MMAB: variants seen among roughly 807,000 people sequenced by gnomAD.
The protein encoded by MMAB is corrinoid adenosyltransferase MMAB.
Under a neutral mutation model 30.6 loss-of-function variants are expected in MMAB, and 17 were observed. The observed-to-expected ratio is 0.56, with a 90% CI of 0.38 to 0.83. The LOEUF (loss-of-function observed/expected upper bound fraction) is 0.83, where lower values mean the gene tolerates loss of function less well. Among genes scored for constraint, MMAB ranks in the 40% least tolerant of loss-of-function variants. The probability of loss-of-function intolerance (pLI) is 0.00; values close to 1 mark genes in which losing one functional copy is unlikely to be tolerated. For synonymous variants in MMAB, 134 were observed against 138.6 expected (o/e 0.97, Z 0.23); for missense variants, 311 against 331.6 (o/e 0.94, Z 0.48).
rs1424496673 is a variant in MMAB, at chr12:109,554,778, G to T, written c.*2250C>A. The T allele has an allele frequency of 4.4e-6, 2 of 454,026 alleles. No individual in the cohort carries two copies. Among genetic ancestry groups the T allele is most frequent in the African/African-American group, 4.0e-5 (2 of 50,006 alleles). 28.1% of individuals were successfully genotyped at this position (454,026 alleles called of 1,614,324 possible). On this transcript the variant is annotated 3_prime_UTR_variant, in exon 9 of 9. Coordinates refer to ENST00000545712, the MANE Select transcript of MMAB (RefSeq NM_052845.4). ...GGGCTCTTGATAGAGCTTTTGAAAG[G>T]CACTGCAGAAGAGCAAATGTTTTAA... is the stretch of plus-strand genomic sequence containing the variant.
At chr12:109,571,753 T>A (rs970703105) in intron 1 of MMAB, 43 bp from the exon 2 acceptor site, 4 of 1,565,990 alleles carry the variant, frequency 2.6e-6, no homozygotes, top group Non-Finnish European at 2.6e-6. Flanking sequence ...TGGGGATGGC[T>A]TACACAGAGG....
intron 3 of MMAB, chr12:109,567,128 C>T: frequency 2.2e-6 from 1 of 447,678 alleles, no homozygotes; most frequent in South Asian, 1.6e-5. Flanking sequence ...CGAGATCACA[C>T]CATTGCACTC....
At position 109,565,109 on chromosome 12, in the gene MMAB, T is replaced by C. The variant is rs1884370959; in HGVS notation, c.348+10A>G. ...AAGATTCCCAGCTTGGGTGAGATGG[T>C]GTTACTCACTTTCTGAAGCTCTTCG... On this transcript the variant is annotated intron_variant, in intron 4 of 8. Transcript: ENST00000545712. The C allele has an allele frequency of 6.2e-7, 1 of 1,611,104 alleles. No homozygotes were observed. The highest frequency in any genetic ancestry group is 1.3e-5 in the African/African-American group (1 of 74,850).
At chr12:109,570,418 T>A (rs1884591873) in intron 2 of MMAB, among the ~76,000 whole-genome samples, 1 of 152,240 alleles carries the variant, frequency 6.6e-6, no homozygotes, top group Non-Finnish European at 1.5e-5. Flanking sequence ...TGGTAACAGA[T>A]GATACATAAC....
chr12:109,570,873 C>CAA (rs111235348), intron 2 of MMAB, among the ~76,000 whole-genome samples: 3 of 92,364 alleles, frequency 3.2e-5, no homozygotes, highest in South Asian at 7.8e-4. Context: ...AACCCTGTAT[C>CAA]AAAAAAAAAA....
rs962799167 is a variant in MMAB, at chr12:109,554,261, C to G, written c.*2767G>C. On this transcript the variant is annotated 3_prime_UTR_variant, in exon 9 of 9. Transcript: ENST00000545712. ...TCTGTGGAACACTTGGCTCAGGGCA[C>G]TGCACATAGCAAGCCCTTCCACAGT... The G allele has an allele frequency of 2.2e-6, 1 of 453,974 alleles. No homozygotes were observed. The highest frequency in any genetic ancestry group is 4.4e-6 in the Non-Finnish European group (1 of 226,792). 28.1% of individuals were successfully genotyped at this position (453,974 alleles called of 1,614,324 possible).
At chr12:109,563,410 G>T (rs736343) in intron 4 of MMAB, among the ~76,000 whole-genome samples, 1 of 152,156 alleles carries the variant, frequency 6.6e-6, no homozygotes, top group East Asian at 1.9e-4. Context: ...ATTGCTGCCC[G>T]GCCTCATCCA....
intron 4 of MMAB, among the ~76,000 whole-genome samples, chr12:109,562,296 G>A (rs2136200506): frequency 6.6e-6 from 1 of 152,324 alleles, no homozygotes; most frequent in Admixed American, 6.5e-5. Flanking sequence ...ACCATGTGCA[G>A]ATTAAACTTC....
At position 109,561,518 on chromosome 12, in the gene MMAB, C is replaced by G. The variant is rs2136199436; in HGVS notation, c.422-1G>C. On this transcript the variant is annotated splice_acceptor_variant, in intron 5 of 8. Coordinates refer to ENST00000545712, the MANE Select transcript of MMAB (RefSeq NM_052845.4). LOFTEE classifies it high-confidence loss of function. This position sits in a 1 kb window ranked among gnomAD's most constrained non-coding sequence, Gnocchi z 5.3. Reference sequence around the variant, plus strand: ...GGCCCCGCCTTGAACGTGGTATACTCTGAGGAGCCAAGGAGCAGAGGGAAC... The same window carrying G: ...GGCCCCGCCTTGAACGTGGTATACTGTGAGGAGCCAAGGAGCAGAGGGAAC... 6.5e-7 allele frequency: 1 copy of G among 1,548,170 alleles called. No individual in the cohort carries two copies. The highest frequency in any genetic ancestry group is 8.7e-7 in the Non-Finnish European group (1 of 1,146,812).
intron 7 of MMAB, among the ~76,000 whole-genome samples, chr12:109,560,038 G>C (rs570316456): frequency 6.6e-6 from 1 of 152,228 alleles, no homozygotes; most frequent in Non-Finnish European, 1.5e-5. Flanking sequence ...GCCTGTTTTC[G>C]GGGCCTTTGG....
intron 4 of MMAB, among the ~76,000 whole-genome samples, chr12:109,564,418 C>CTGTTGCCCAGGCTACAGTGCAGTGG: frequency 6.9e-6 from 1 of 145,872 alleles, no homozygotes; most frequent in Non-Finnish European, 1.5e-5. Flanking sequence ...GGATCCCACT[C>CTGTTGCCCAGGCTACAGTGCAGTGG]TGTTGCCCAG....
Position 109,561,283 on chromosome 12 carries a change from G to A in MMAB, c.519+137C>T, listed in dbSNP as rs561107820. 29 of 1,573,984 alleles carry A rather than the reference G, an allele frequency of 1.8e-5. No homozygotes were observed. Among genetic ancestry groups the A allele is most frequent in the Admixed American group, 3.6e-5 (2 of 55,284 alleles). On this transcript the variant is annotated intron_variant, in intron 6 of 8. Transcript: ENST00000545712. The surrounding 1 kb of genome is among the most constrained non-coding windows in gnomAD (Gnocchi z 5.3). Reference sequence around the variant, plus strand: ...AGAGTGGGCAGGGCTGGGAGGGACCGGTGAGGACCTGGAGGGACTTGGGGA... The same window carrying A: ...AGAGTGGGCAGGGCTGGGAGGGACCAGTGAGGACCTGGAGGGACTTGGGGA...
intron 7 of MMAB, among the ~76,000 whole-genome samples, chr12:109,560,154 T>C (rs1362343459): frequency 1.3e-5 from 2 of 152,220 alleles, no homozygotes; most frequent in African/African-American, 4.8e-5. Context: ...CTGGGATCTC[T>C]AAGGAGCTAT....
rs1263672761 is a variant in MMAB at position 109,554,519 on chromosome 12, G to C, written c.*2509C>G. 4 of 453,932 alleles carry C rather than the reference G, an allele frequency of 8.8e-6. No homozygotes were observed. Among genetic ancestry groups the C allele is most frequent in the Non-Finnish European group, 8.8e-6 (2 of 226,792 alleles). 28.1% of individuals were successfully genotyped at this position (453,932 alleles called of 1,614,324 possible). A position where few individuals can be genotyped will look rare whatever the true frequency, so the allele number is the denominator to read the frequency against. On this transcript the variant is annotated 3_prime_UTR_variant, in exon 9 of 9. Transcript: ENST00000545712. ...ATGAAAAAAATCTACGATAAGCAAG[G>C]GATCACGACTTTAAATAAAAACAGG...
intron 4 of MMAB, among the ~76,000 whole-genome samples, chr12:109,564,186 A>G (rs1593000792): frequency 6.6e-6 from 1 of 152,088 alleles, no homozygotes; most frequent in Non-Finnish European, 1.5e-5. Context: ...GGATATTTAC[A>G]TGCCAGCAAC....
At position 109,572,468 on chromosome 12, in the gene MMAB, T is replaced by C. The variant is rs190547588; in HGVS notation, c.135-758A>G. ...GGTTTCACCATGTTGCTCAGGCTGG[T>C]TTTGAACTCCTGAGCTCAAGCAATA... On this transcript the variant is annotated intron_variant, in intron 1 of 8. Coordinates refer to ENST00000545712, the MANE Select transcript of MMAB (RefSeq NM_052845.4). 3.0e-4 allele frequency among the ~76,000 whole-genome samples: 44 copies of C among 148,428 alleles called. No individual in the cohort carries two copies. The East Asian group carries it at 5.1e-3, about 17-fold the overall frequency.
At chr12:109,560,935 C>G in intron 7 of MMAB, 105 bp downstream of exon 7, 12 of 1,022,916 alleles carry the variant, frequency 1.2e-5, no homozygotes, top group Non-Finnish European at 1.6e-5. Context: ...GTGCAGAGGC[C>G]CCTCTCCCTC....
chr12:109,566,946 G>A, intron 3 of MMAB: 1 of 455,716 alleles, frequency 2.2e-6, no homozygotes, highest in Admixed American at 2.3e-5. Flanking sequence ...CAAGGGGTTT[G>A]TTTGCCTTCT....
At chr12:109,572,411 ATTT>A (rs34992643) in intron 1 of MMAB, among the ~76,000 whole-genome samples, 1 of 119,056 alleles carries the variant, frequency 8.4e-6, no homozygotes, top group Non-Finnish European at 1.7e-5. Flanking sequence ...CACCCAGCTA[ATTT>A]TTTTTTTTTT....
Sources: gnomAD v4.1 joint callset for allele counts (sites outside exome capture counted in the v4.1 genomes callset) on GRCh38, gnomAD v4.1.1 for gene constraint, Gnocchi (gnomAD v3.1) non-coding constraint, MANE v1.5 for transcripts, NCBI Gene and HGNC (gene_info 2026-07-23, HGNC 2026-07-21) for gene names.